Variants in AVEN observed in about 807,000 individuals in gnomAD.
AVEN encodes apoptosis and caspase activation inhibitor, also known as cell death regulator Aven.
Under a neutral mutation model 38.1 loss-of-function variants are expected in AVEN, and 41 were observed. The observed-to-expected ratio is 1.08, with a 90% CI of 0.84 to 1.40. The LOEUF is 1.40. Among genes scored for constraint, AVEN ranks in the 40% most tolerant of loss-of-function variants. The pLI is 0.00. For missense variants in AVEN, 605 were observed against 438.8 expected (o/e 1.38, Z -3.38); for synonymous variants, 206 against 171.8 (o/e 1.20, Z -1.56).
intron 11 of AVEN, chr15:33,859,667 T>C: frequency 6.2e-7 from 1 of 1,614,010 alleles, no homozygotes; most frequent in Non-Finnish European, 8.5e-7. Context: ...ATGAAATGTA[T>C]CGCATTGTCT....
chr15:33,877,006 A>G (rs1891260914), intron 2 of AVEN, among the ~76,000 whole-genome samples: 2 of 152,218 alleles, frequency 1.3e-5, no homozygotes, highest in South Asian at 2.1e-4. Context: ...AAGAGTAATA[A>G]ATTAATATAA....
intron 2 of AVEN, among the ~76,000 whole-genome samples, chr15:33,929,287 G>A (rs776287442): frequency 9.2e-5 from 14 of 152,098 alleles, no homozygotes; most frequent in South Asian, 2.1e-4. Flanking sequence ...ACTGTTATCC[G>A]CTGAGGCATA....
downstream of AVEN, among the ~76,000 whole-genome samples, chr15:33,862,226 G>GAGAT (rs559162050): frequency 1.3e-5 from 2 of 152,012 alleles, no homozygotes; most frequent in Non-Finnish European, 2.9e-5. Context: ...CTCATCTTTC[G>GAGAT]AGATAGATAG....
intron 2 of AVEN, among the ~76,000 whole-genome samples, chr15:33,968,382 T>C (rs1437952063): frequency 6.6e-6 from 1 of 152,112 alleles, no homozygotes; most frequent in Non-Finnish European, 1.5e-5. Context: ...CCTTTCTTTC[T>C]TCCTTTCAGG....
intron 2 of AVEN, 129 bp from the exon 3 acceptor site, chr15:33,876,124 A>C: frequency 2.8e-6 from 2 of 720,924 alleles, no homozygotes; most frequent in Admixed American, 5.5e-5. Flanking sequence ...CAAGGATAAA[A>C]CTGGAACATA....
At chr15:33,905,130 C>CAAA (rs71117197) in intron 2 of AVEN, among the ~76,000 whole-genome samples, 6 of 121,312 alleles carry the variant, frequency 4.9e-5, no homozygotes, top group African/African-American at 2.0e-4. Context: ...ACTCCGTCTC[C>CAAA]AAAAAAAAAA....
chr15:33,917,883 C>T (rs144124590), intron 2 of AVEN, among the ~76,000 whole-genome samples: 20 of 152,100 alleles, frequency 1.3e-4, no homozygotes, highest in Non-Finnish European at 2.5e-4. Context: ...GATGCGTGCA[C>T]CAAAAACTCA....
chr15:33,894,822 ATAATAAC>A (rs1567401304), intron 2 of AVEN, among the ~76,000 whole-genome samples: 1 of 91,228 alleles, frequency 1.1e-5, no homozygotes, highest in East Asian at 3.2e-4. Flanking sequence ...AAAAAAAAAA[ATAATAAC>A]AATAATAATA....
At chr15:33,861,833 C>T (rs1888342660), downstream of AVEN, among the ~76,000 whole-genome samples, 1 of 152,048 alleles carries the variant, frequency 6.6e-6, no homozygotes, top group South Asian at 2.1e-4. Flanking sequence ...TTTTGTTGGC[C>T]AGGCTGGTCT....
At chr15:33,928,479 G>GT (rs1893712595) in intron 2 of AVEN, among the ~76,000 whole-genome samples, 1 of 152,198 alleles carries the variant, frequency 6.6e-6, no homozygotes, top group South Asian at 2.1e-4. Context: ...GACAGCAGAC[G>GT]TAAGGCTGAA....
intron 2 of AVEN, among the ~76,000 whole-genome samples, chr15:33,977,030 G>A (rs1438755539): frequency 6.6e-6 from 1 of 152,076 alleles, no homozygotes; most frequent in Non-Finnish European, 1.5e-5. Flanking sequence ...GGTCACAATG[G>A]CATGAATTAG....
chr15:33,900,134 C>G (rs903039013), intron 2 of AVEN, among the ~76,000 whole-genome samples: 11 of 151,868 alleles, frequency 7.2e-5, no homozygotes, highest in Admixed American at 2.0e-4. Flanking sequence ...TCTCTAAGCC[C>G]TTTTCTAGGA....
At chr15:34,000,124 G>A (rs1039377486) in intron 2 of AVEN, among the ~76,000 whole-genome samples, 1 of 152,058 alleles carries the variant, frequency 6.6e-6, no homozygotes, top group Non-Finnish European at 1.5e-5. Context: ...ACCCTCCTCA[G>A]ATCTTTGCTC....
At chr15:33,959,335 G>GTAA (rs1433109960) in intron 2 of AVEN, among the ~76,000 whole-genome samples, 1 of 151,896 alleles carries the variant, frequency 6.6e-6, no homozygotes, top group African/African-American at 2.4e-5. Flanking sequence ...GCAGTTTTAG[G>GTAA]TAATCTCTTC....
chr15:33,858,022 G>A (rs2079885011), downstream of AVEN: 1 of 1,392,708 alleles, frequency 7.2e-7, no homozygotes, highest in Non-Finnish European at 9.8e-7. Flanking sequence ...GAACTGTAGA[G>A]TTAGTTACAG....
In AVEN at chr15:33,867,806, T is replaced by A; in HGVS notation, c.662A>T (p.Asp221Val). Residue 221 changes from aspartate (D) to valine (V), a missense_variant, in exon 5 of 6, where the codon GAT becomes GTT. Physicochemically the swap from Asp to Val is radical, Grantham distance 152. Transcript: ENST00000306730. The part of the protein sequence containing the change: ...VPQVKPKRTD[D>V]GKGLGMQLKG... ...TAACTGCATCCCTAATCCCTTGCCA[T>A]CATCAGTTCTCTTTGGTTTCACCTG... is the stretch of plus-strand genomic sequence containing the variant. The A allele has an allele frequency of 6.2e-7, 1 of 1,609,776 alleles. No individual in the cohort carries two copies. The highest frequency in any genetic ancestry group is 8.5e-7 in the Non-Finnish European group (1 of 1,178,700).
chr15:34,052,655 T>C (rs1389398442), intron 5 of AVEN, among the ~76,000 whole-genome samples: 1 of 152,222 alleles, frequency 6.6e-6, no homozygotes, highest in Non-Finnish European at 1.5e-5. Context: ...AGTCTCAGGA[T>C]GCAAAATCAA....
chr15:33,982,651 G>T (rs954070030), intron 2 of AVEN, among the ~76,000 whole-genome samples: 2 of 152,032 alleles, frequency 1.3e-5, no homozygotes, highest in Non-Finnish European at 2.9e-5. Flanking sequence ...CAAAATTTTT[G>T]AATTTAGTAA....
chr15:33,889,022 T>G (rs2153039919), intron 2 of AVEN, among the ~76,000 whole-genome samples: 1 of 152,332 alleles, frequency 6.6e-6, no homozygotes, highest in Middle Eastern at 3.4e-3. Context: ...AGCCTGGAAT[T>G]CTTTTTTGCT....
Sources: allele counts gnomAD v4.1 joint callset (sites outside exome capture counted in the v4.1 genomes callset), GRCh38; gene constraint gnomAD v4.1.1; transcripts MANE v1.5; gene names NCBI Gene and HGNC (gene_info 2026-07-23, HGNC 2026-07-21).